The following PLB1 variants were observed in gnomAD, a reference collection of about 807,000 sequenced individuals.
PLB1 encodes phospholipase B1, membrane-associated.
In PLB1, 242 loss-of-function variants were observed where a neutral mutation model predicts 227.4. That is an observed-to-expected ratio of 1.06 (90% CI 0.96 to 1.18). The LOEUF is 1.18. PLB1 is among the 50% of genes most tolerant of loss of function. The pLI is 0.00. For missense variants in PLB1, 1,858 were observed against 1,816.3 expected, an observed-to-expected ratio of 1.02 and a Z score of -0.42; for synonymous variants, 757 against 682.2, an observed-to-expected ratio of 1.11 and a Z score of -1.71.
chr2:28,573,792 G>C (rs1185179674), intron 21 of PLB1, among the ~76,000 whole-genome samples: 2 of 152,194 alleles, frequency 1.3e-5, no homozygotes, highest in Non-Finnish European at 2.9e-5. Context: ...CAGACTCTAC[G>C]AGGTGGGGCT....
chr2:28,573,813 C>G (rs1229442529), intron 21 of PLB1, among the ~76,000 whole-genome samples: 1 of 152,198 alleles, frequency 6.6e-6, no homozygotes, highest in African/African-American at 2.4e-5. Flanking sequence ...GGTTAGGAAC[C>G]TCTCCCACAG....
chr2:28,593,629 C>A, intron 32 of PLB1, 52 bp from the exon 33 acceptor site: 1 of 1,513,612 alleles, frequency 6.6e-7, no homozygotes, highest in Middle Eastern at 1.8e-4. Flanking sequence ...TTCACAGCCT[C>A]CCTGTTCTCT....
At chr2:28,614,538 T>C (rs1306972499) in intron 44 of PLB1, among the ~76,000 whole-genome samples, 1 of 152,146 alleles carries the variant, frequency 6.6e-6, no homozygotes, top group Non-Finnish European at 1.5e-5. Flanking sequence ...TAGGCCTTGT[T>C]TGGTTCAAGT....
chr2:28,613,911 A>C (rs753826247), intron 43 of PLB1, 120 bp from the exon 44 acceptor site: 55 of 830,968 alleles, frequency 6.6e-5, no homozygotes, highest in Non-Finnish European at 1.1e-4. Context: ...AGTTCTTTCT[A>C]TATAAGTGCA....
chr2:28,612,427 A>G (rs551139354), intron 43 of PLB1, among the ~76,000 whole-genome samples: 2 of 152,228 alleles, frequency 1.3e-5, no homozygotes, highest in South Asian at 4.1e-4. Flanking sequence ...TTTGGCATTC[A>G]TCACTTGTTC....
intron 57 of PLB1, among the ~76,000 whole-genome samples, chr2:28,641,301 A>G (rs914016310): frequency 6.6e-6 from 1 of 152,190 alleles, no homozygotes; most frequent in Non-Finnish European, 1.5e-5. Flanking sequence ...GCTCTGATGC[A>G]TCCTCAGTCT....
Position 28,642,872 on chromosome 2 carries a change from C to G in PLB1, c.4188C>G (p.Leu1396=). The change falls in exon 58 of 58, where the codon CTC becomes CTG. Residue 1396 remains leucine, a synonymous_variant. Coordinates refer to ENST00000327757, the MANE Select transcript of PLB1 (RefSeq NM_153021.5). ...LKCPSPESPY[L]YTLRNSRLLP... ...CTCCTCCACAGGAGAGCCCTTACCTCTACACCCTGCGGAACAGCCGATTGC... is the reference window on the plus strand; with the variant it reads ...CTCCTCCACAGGAGAGCCCTTACCTGTACACCCTGCGGAACAGCCGATTGC... 6.2e-7 allele frequency: 1 copy of G among 1,601,954 alleles called. No homozygotes were observed. Among genetic ancestry groups the G allele is most frequent in the Non-Finnish European group, 8.5e-7 (1 of 1,173,896 alleles).
At position 28,604,643 on chromosome 2, in the gene PLB1, A is replaced by T; in HGVS notation, c.2857-12A>T. The T allele has an allele frequency of 3.1e-6, 5 of 1,612,442 alleles. No individual in the cohort carries two copies. The highest frequency in any genetic ancestry group is 4.2e-6 in the Non-Finnish European group (5 of 1,178,796). ...AGGGCCTGGGCTGAAGACCCTGTGCATGTGTCCCCAGAGCAGCATGCGCGA... is the reference window on the plus strand; with the variant it reads ...AGGGCCTGGGCTGAAGACCCTGTGCTTGTGTCCCCAGAGCAGCATGCGCGA... On this transcript the variant is annotated splice_polypyrimidine_tract_variant and intron_variant, in intron 40 of 57. Transcript: ENST00000327757.
At chr2:28,607,817 C>T (rs572165551) in intron 43 of PLB1, among the ~76,000 whole-genome samples, 37 of 152,230 alleles carry the variant, frequency 2.4e-4, no homozygotes, top group Middle Eastern at 6.8e-3. Flanking sequence ...ATTTTACCAA[C>T]CCTATAGCCA....
intron 41 of PLB1, among the ~76,000 whole-genome samples, chr2:28,605,452 C>G (rs753195325): frequency 6.6e-6 from 1 of 152,100 alleles, no homozygotes; most frequent in Non-Finnish European, 1.5e-5. Context: ...GTTCCATTCT[C>G]CCCACCAAGA....
In PLB1 at chr2:28,585,725, G is replaced by A. The variant is rs1680793983; in HGVS notation, c.1734-36G>A. On this transcript the variant is annotated intron_variant, in intron 25 of 57. Transcript: ENST00000327757. ...ATCACTTATTCAGGATGGTGATCTT[G>A]GTGGGATGAGGGTTTCTCTTTGGTT... 7 of 1,486,298 alleles carry A rather than the reference G, an allele frequency of 4.7e-6. No homozygotes were observed. In the Admixed American group the frequency reaches 1.0e-4, roughly 21 times the overall value. The allele number at this position is 1,486,298 out of a possible 1,614,324, so 92.1% of individuals were successfully genotyped here. A position where few individuals can be genotyped will look rare whatever the true frequency, so the allele number is the denominator to read the frequency against.
At position 28,549,996 on chromosome 2, in the gene PLB1, A is replaced by C. The variant is rs1174056758; in HGVS notation, c.1009-14A>C. 4.4e-6 allele frequency: 7 copies of C among 1,608,036 alleles called. No individual in the cohort carries two copies. The highest frequency in any genetic ancestry group is 5.1e-6 in the Non-Finnish European group (6 of 1,175,242). ...TCTAGGGTCACGATTCCAACATGTC[A>C]CCTTTCCCTGCAGGAGAGCCCCTAT... On this transcript the variant is annotated splice_polypyrimidine_tract_variant and intron_variant, in intron 15 of 57. Coordinates refer to ENST00000327757, the MANE Select transcript of PLB1 (RefSeq NM_153021.5).
chr2:28,496,186 C>T lies in PLB1; in HGVS notation c.55+17C>T, dbSNP rs1453019572. On this transcript the variant is annotated intron_variant, in intron 1 of 57. Transcript: ENST00000327757. ...TGGGGCAAGGTAAGCGTGCCTTTTG[C>T]TCAGAGGACAACCAGTGGTTTAGCC... 6.2e-7 allele frequency: 1 copy of T among 1,612,864 alleles called. No homozygotes were observed. The highest frequency in any genetic ancestry group is 1.1e-5 in the South Asian group (1 of 90,996).
chr2:28,637,873 G>A (rs1482324875), intron 56 of PLB1, among the ~76,000 whole-genome samples: 1 of 152,136 alleles, frequency 6.6e-6, no homozygotes, highest in East Asian at 1.9e-4. Context: ...ATTACACCCT[G>A]CCCAGTCCTG....
intron 40 of PLB1, 111 bp downstream of exon 40, chr2:28,604,158 G>C: frequency 9.4e-7 from 1 of 1,059,776 alleles, no homozygotes; most frequent in Non-Finnish European, 1.4e-6. Context: ...GTCAGGGATT[G>C]TGGGGAGACG....
At chr2:28,614,846 A>T (rs1166980556) in intron 44 of PLB1, among the ~76,000 whole-genome samples, 1 of 152,230 alleles carries the variant, frequency 6.6e-6, no homozygotes. Flanking sequence ...TTTCACAATT[A>T]TTGAGCACAT....
intron 6 of PLB1, among the ~76,000 whole-genome samples, chr2:28,528,199 C>G (rs1316967396): frequency 6.6e-6 from 1 of 152,180 alleles, no homozygotes; most frequent in Non-Finnish European, 1.5e-5. Context: ...TGCACAGTGT[C>G]AGCCTCCTTC....
chr2:28,604,555 C>G, intron 40 of PLB1, 100 bp from the exon 41 acceptor site: 1 of 823,786 alleles, frequency 1.2e-6, no homozygotes, highest in Non-Finnish European at 1.9e-6. Flanking sequence ...GTCGGCCCCT[C>G]CATCCAGGGA....
intron 47 of PLB1, 55 bp downstream of exon 47, chr2:28,620,387 A>G: frequency 6.7e-7 from 1 of 1,501,328 alleles, no homozygotes. Flanking sequence ...GAGAGGTGTG[A>G]GTAGTGTGTT....
Sources: gnomAD v4.1 joint callset for allele counts (sites outside exome capture counted in the v4.1 genomes callset) on GRCh38, gnomAD v4.1.1 for gene constraint, MANE v1.5 for transcripts, NCBI Gene and HGNC (gene_info 2026-07-23, HGNC 2026-07-21) for gene names.